The following SGMS1 variants were observed in gnomAD, a reference collection of about 807,000 sequenced individuals.
SGMS1 encodes phosphatidylcholine:ceramide cholinephosphotransferase 1.
In SGMS1, 13 loss-of-function variants were observed where a neutral mutation model predicts 46.2. The observed-to-expected ratio is 0.28, with a 90% confidence interval of 0.18 to 0.45. SGMS1 has a LOEUF of 0.45. Ranked by LOEUF, SGMS1 falls within the 20% of genes least tolerant of loss-of-function variation. The pLI is 1.00. For missense variants in SGMS1, 324 were observed against 519.9 expected, an observed-to-expected ratio of 0.62 and a Z score of 3.66; for synonymous variants, 203 against 187.8, an observed-to-expected ratio of 1.08 and a Z score of -0.66.
intron 5 of SGMS1, among the ~76,000 whole-genome samples, chr10:50,434,471 G>A (rs1849447454): frequency 6.6e-6 from 1 of 152,128 alleles, no homozygotes; most frequent in Admixed American, 6.5e-5. Flanking sequence ...CTCCATGCAT[G>A]CACTGAGGTA....
At chr10:50,369,797 G>A (rs1417431565) in intron 6 of SGMS1, among the ~76,000 whole-genome samples, 1 of 152,158 alleles carries the variant, frequency 6.6e-6, no homozygotes, top group Non-Finnish European at 1.5e-5. Flanking sequence ...ACTTCACGAC[G>A]AGATACCTTC....
intron 3 of SGMS1, among the ~76,000 whole-genome samples, chr10:50,485,562 G>C (rs1461995973): frequency 6.6e-6 from 1 of 151,984 alleles, no homozygotes; most frequent in Admixed American, 6.6e-5. Context: ...AATTCATATA[G>C]AACAAAAAAA....
chr10:50,427,988 T>C (rs1042775998), intron 6 of SGMS1, among the ~76,000 whole-genome samples: 1 of 150,450 alleles, frequency 6.6e-6, no homozygotes, highest in Non-Finnish European at 1.5e-5. Flanking sequence ...AGAGAGAGAA[T>C]GTGTGTGTGT....
intron 6 of SGMS1, among the ~76,000 whole-genome samples, chr10:50,350,514 AG>A (rs1847990328): frequency 6.6e-6 from 1 of 152,098 alleles, no homozygotes; most frequent in Non-Finnish European, 1.5e-5. Context: ...TCTTCACAGC[AG>A]CCCCTCCCAT....
At chr10:50,435,246 C>A (rs547608997) in intron 5 of SGMS1, among the ~76,000 whole-genome samples, 1 of 152,258 alleles carries the variant, frequency 6.6e-6, no homozygotes, top group Admixed American at 6.5e-5. Flanking sequence ...AAAATACATA[C>A]AATAATACAT....
intron 2 of SGMS1, among the ~76,000 whole-genome samples, chr10:50,560,326 T>TGC (rs1838224130): frequency 1.4e-5 from 2 of 138,456 alleles, no homozygotes; most frequent in South Asian, 4.4e-4. Context: ...ATTAATATTA[T>TGC]ATATTATTAA....
chr10:50,478,551 G>A (rs1837448697), intron 3 of SGMS1, among the ~76,000 whole-genome samples: 2 of 152,142 alleles, frequency 1.3e-5, no homozygotes, highest in Non-Finnish European at 2.9e-5. Flanking sequence ...GGGTCAGTGA[G>A]TAGGAGGTTA....
intron 2 of SGMS1, among the ~76,000 whole-genome samples, chr10:50,536,288 G>C (rs1838001242): frequency 6.6e-6 from 1 of 152,060 alleles, no homozygotes; most frequent in East Asian, 1.9e-4. Context: ...AGCTGTGATT[G>C]TGCCACTGCA....
At chr10:50,545,413 G>A (rs1029706919) in intron 2 of SGMS1, among the ~76,000 whole-genome samples, 6 of 152,128 alleles carry the variant, frequency 3.9e-5, no homozygotes, top group Middle Eastern at 3.4e-3. Flanking sequence ...AAAAGGAAAG[G>A]GTTTTGTTGT....
At chr10:50,609,521 G>GTT (rs370846975) in intron 1 of SGMS1, among the ~76,000 whole-genome samples, 18,212 of 116,838 alleles carry the variant, frequency 0.16, 1,752 homozygotes, top group Middle Eastern at 0.2. Flanking sequence ...CTTCTCAATA[G>GTT]TTTTTTTTTT....
At chr10:50,588,721 A>ATTTTTT (rs71029314) in intron 2 of SGMS1, among the ~76,000 whole-genome samples, 2 of 92,220 alleles carry the variant, frequency 2.2e-5, no homozygotes, top group African/African-American at 4.3e-5. Flanking sequence ...GACTGATCTA[A>ATTTTTT]TTTTTTTTTT....
At chr10:50,462,763 AAGAAT>A (rs1345976742) in intron 4 of SGMS1, among the ~76,000 whole-genome samples, 1 of 152,166 alleles carries the variant, frequency 6.6e-6, no homozygotes, top group Non-Finnish European at 1.5e-5. Flanking sequence ...TAAGGACAAA[AAGAAT>A]AGAAAACTAT....
At chr10:50,364,405 T>C (rs186826877) in intron 6 of SGMS1, among the ~76,000 whole-genome samples, 60 of 152,244 alleles carry the variant, frequency 3.9e-4, no homozygotes, top group Middle Eastern at 3.4e-3. Context: ...GATAAGAAGA[T>C]CTTGAAGAAT....
chr10:50,609,190 C>T (rs1460943712), intron 1 of SGMS1, among the ~76,000 whole-genome samples: 5 of 152,060 alleles, frequency 3.3e-5, no homozygotes, highest in Non-Finnish European at 7.4e-5. Flanking sequence ...AGGCTGGTCT[C>T]GAACTCCCAG....
At chr10:50,438,334 G>A (rs1019606299) in intron 5 of SGMS1, among the ~76,000 whole-genome samples, 1 of 152,226 alleles carries the variant, frequency 6.6e-6, no homozygotes, top group Non-Finnish European at 1.5e-5. Context: ...TTTCTCTCTT[G>A]GTTTTGAAAG....
chr10:50,481,562 A>G (rs1043708161), intron 3 of SGMS1, among the ~76,000 whole-genome samples: 3 of 152,164 alleles, frequency 2.0e-5, no homozygotes, highest in Non-Finnish European at 4.4e-5. Flanking sequence ...GAAGGTAGAT[A>G]GAGAAAGAAT....
At chr10:50,382,707 C>T (rs72801750) in intron 6 of SGMS1, among the ~76,000 whole-genome samples, 1,993 of 152,014 alleles carry the variant, frequency 0.013, 18 homozygotes, top group Non-Finnish European at 0.022. Context: ...TAAATTTAGC[C>T]GACAGATCTA....
At chr10:50,459,093 A>G (rs1482952156) in intron 5 of SGMS1, among the ~76,000 whole-genome samples, 1 of 152,184 alleles carries the variant, frequency 6.6e-6, no homozygotes, top group Non-Finnish European at 1.5e-5. Flanking sequence ...GTCATCTTCA[A>G]TAACTCTGTA....
chr10:50,598,082 C>T lies in SGMS1; in HGVS notation c.-683-7835G>A, dbSNP rs185410392. Among the ~76,000 whole-genome samples the T allele has an allele frequency of 4.6e-3, 693 of 151,976 alleles. 4 individuals carry two copies. The highest frequency in any genetic ancestry group is 0.013 in the South Asian group (63 of 4,798). ...ACTGAATGCTTGTGCTCCCCTCCCC[C>T]GCCCCGCCCCACAAAATTCATATGT... On this transcript the variant is annotated intron_variant, in intron 1 of 10. Coordinates refer to ENST00000361781, the MANE Select transcript of SGMS1 (RefSeq NM_147156.4).
Sources: allele counts gnomAD v4.1 joint callset (sites outside exome capture counted in the v4.1 genomes callset), GRCh38; gene constraint gnomAD v4.1.1; transcripts MANE v1.5; gene names NCBI Gene and HGNC (gene_info 2026-07-23, HGNC 2026-07-21).